The following CDK6 variants were observed in gnomAD, a reference collection of about 807,000 sequenced individuals.
CDK6 encodes cyclin-dependent kinase 6.
In CDK6, 6 loss-of-function variants were observed where a neutral mutation model predicts 37.1. The ratio of observed to expected loss-of-function variants is 0.16; its 90% confidence interval spans 0.09 to 0.32. CDK6 has a LOEUF of 0.32. Among genes scored for constraint, CDK6 ranks in the 10% least tolerant of loss-of-function variants. CDK6 has a pLI of 1.00. For missense variants in CDK6, 224 were observed against 418.9 expected, an observed-to-expected ratio of 0.53 and a Z score of 4.06; for synonymous variants, 160 against 161.3, an observed-to-expected ratio of 0.99 and a Z score of 0.06.
At chr7:92,722,479 T>C (rs1798391325) in intron 4 of CDK6, among the ~76,000 whole-genome samples, 1 of 152,186 alleles carries the variant, frequency 6.6e-6, no homozygotes, top group Admixed American at 6.5e-5. Flanking sequence ...AACTTTTCAC[T>C]CCTAACTTGA....
At chr7:92,731,622 A>G (rs1008243026) in intron 3 of CDK6, among the ~76,000 whole-genome samples, 12 of 152,240 alleles carry the variant, frequency 7.9e-5, no homozygotes, top group African/African-American at 2.9e-4. Flanking sequence ...AGTGTAATAA[A>G]GTGGCATTGC....
intron 2 of CDK6, among the ~76,000 whole-genome samples, chr7:92,806,931 G>T (rs918657930): frequency 6.6e-6 from 1 of 152,116 alleles, no homozygotes; most frequent in African/African-American, 2.4e-5. Flanking sequence ...GACATAATAC[G>T]AAGAGGACAA....
intron 4 of CDK6, among the ~76,000 whole-genome samples, chr7:92,701,429 G>A (rs1025230948): frequency 6.7e-6 from 1 of 148,894 alleles, no homozygotes; most frequent in African/African-American, 2.5e-5. Context: ...TTTTTGAGAC[G>A]GAGTCTCGCT....
chr7:92,801,021 T>C (rs957412606), intron 2 of CDK6, among the ~76,000 whole-genome samples: 4 of 152,222 alleles, frequency 2.6e-5, no homozygotes, highest in African/African-American at 9.6e-5. Context: ...AAAATCATTA[T>C]AAAGCTTCCA....
intron 2 of CDK6, among the ~76,000 whole-genome samples, chr7:92,832,418 C>T (rs1801512260): frequency 1.3e-5 from 2 of 152,080 alleles, no homozygotes; most frequent in Admixed American, 1.3e-4. Context: ...AGTATGTCCG[C>T]CCAGAGATAT....
chr7:92,696,284 T>C (rs922289898), intron 4 of CDK6, among the ~76,000 whole-genome samples: 1 of 152,156 alleles, frequency 6.6e-6, no homozygotes, highest in Non-Finnish European at 1.5e-5. Flanking sequence ...ACAGGCTAAA[T>C]TGCTAACAGG....
At chr7:92,634,403 T>C (rs1458828434) in intron 5 of CDK6, among the ~76,000 whole-genome samples, 1 of 152,182 alleles carries the variant, frequency 6.6e-6, no homozygotes, top group Admixed American at 6.5e-5. Context: ...CTTCTGCTGG[T>C]ACCACATTAT....
chr7:92,707,507 AG>A, intron 4 of CDK6, among the ~76,000 whole-genome samples: 1 of 152,254 alleles, frequency 6.6e-6, no homozygotes, highest in East Asian at 1.9e-4. Flanking sequence ...GTAATATTCC[AG>A]GAACACTTGA....
intron 2 of CDK6, among the ~76,000 whole-genome samples, chr7:92,777,748 G>GT (rs1343458721): frequency 6.6e-6 from 1 of 152,164 alleles, no homozygotes; most frequent in South Asian, 2.1e-4. Flanking sequence ...ATTTAAAGTA[G>GT]TTTTTTCTAA....
intron 4 of CDK6, among the ~76,000 whole-genome samples, chr7:92,721,460 C>G (rs1798363015): frequency 6.6e-6 from 1 of 152,058 alleles, no homozygotes; most frequent in Non-Finnish European, 1.5e-5. Context: ...GGTCAGGGGC[C>G]CCTCTTGCCT....
intron 4 of CDK6, among the ~76,000 whole-genome samples, chr7:92,695,425 GTT>G (rs757849848): frequency 7.6e-4 from 115 of 152,308 alleles, no homozygotes; most frequent in Non-Finnish European, 1.3e-3. Context: ...AATATTGCAA[GTT>G]ACAAACAAAT....
chr7:92,623,032 T>C lies in CDK6; in HGVS notation c.698+4A>G. The C allele has an allele frequency of 6.4e-7, 1 of 1,559,748 alleles. No individual in the cohort carries two copies. Among genetic ancestry groups the C allele is most frequent in the Non-Finnish European group, 8.8e-7 (1 of 1,137,198 alleles). On this transcript the variant is annotated splice_donor_region_variant and intron_variant, in intron 6 of 7. Transcript: ENST00000424848. The stretch of plus-strand genomic sequence containing the variant: ...ACTGGTGTAAAATTATAATTATTAC[T>C]TACTCCAAGATTTTTCCTAGTTGAT...
In CDK6 at chr7:92,746,403, C is replaced by T. The variant is rs539772085; in HGVS notation, c.370-20610G>A. Among the ~76,000 whole-genome samples, 123 of 152,248 alleles carry T rather than the reference C, an allele frequency of 8.1e-4. 2 individuals carry two copies. In the Middle Eastern group the frequency reaches 0.024, roughly 29 times the overall value. ...TCCAAAATGCTCCAAAATCTAAAACCTCTTGAATGCCAACATGATGTCACA... is the reference window on the plus strand; with the variant it reads ...TCCAAAATGCTCCAAAATCTAAAACTTCTTGAATGCCAACATGATGTCACA... On this transcript the variant is annotated intron_variant, in intron 3 of 7. Coordinates refer to ENST00000424848, the MANE Select transcript of CDK6 (RefSeq NM_001145306.2).
chr7:92,805,775 G>A (rs1251723752), intron 2 of CDK6, among the ~76,000 whole-genome samples: 2 of 152,094 alleles, frequency 1.3e-5, no homozygotes, highest in East Asian at 1.9e-4. Context: ...TGTTCCCCCC[G>A]TACAATAAAA....
At chr7:92,785,989 G>A (rs900936164) in intron 2 of CDK6, among the ~76,000 whole-genome samples, 9 of 152,114 alleles carry the variant, frequency 5.9e-5, no homozygotes, top group East Asian at 1.9e-4. Flanking sequence ...CAATTCACCC[G>A]ACAGAGCTTG....
intron 2 of CDK6, among the ~76,000 whole-genome samples, chr7:92,810,564 G>A (rs1014857035): frequency 6.6e-6 from 1 of 152,152 alleles, no homozygotes; most frequent in Non-Finnish European, 1.5e-5. Flanking sequence ...CTGTCATGAC[G>A]AAAAGAAGTG....
At chr7:92,627,633 C>A (rs1465502454) in intron 5 of CDK6, among the ~76,000 whole-genome samples, 1 of 151,816 alleles carries the variant, frequency 6.6e-6, no homozygotes, top group Non-Finnish European at 1.5e-5. Flanking sequence ...TGTTAGCAGC[C>A]CAAGCTGAGT....
At chr7:92,810,729 G>C (rs1294180330) in intron 2 of CDK6, among the ~76,000 whole-genome samples, 2 of 152,210 alleles carry the variant, frequency 1.3e-5, no homozygotes, top group African/African-American at 4.8e-5. Flanking sequence ...GTAATAGTAA[G>C]TAGATGGGCA....
chr7:92,737,679 T>C (rs1203399359), intron 3 of CDK6, among the ~76,000 whole-genome samples: 3 of 152,344 alleles, frequency 2.0e-5, no homozygotes, highest in East Asian at 3.9e-4. Flanking sequence ...CTGGTTGCTT[T>C]CTCAACTTAA....
Sources: allele counts gnomAD v4.1 joint callset (sites outside exome capture counted in the v4.1 genomes callset), GRCh38; gene constraint gnomAD v4.1.1; transcripts MANE v1.5; gene names NCBI Gene and HGNC (gene_info 2026-07-23, HGNC 2026-07-21).